The following TINAG variants were observed in gnomAD, a reference collection of about 807,000 sequenced individuals.
The protein encoded by TINAG is tubulointerstitial nephritis antigen.
A neutral mutation model predicts 72.7 loss-of-function variants in TINAG; 83 were observed. That is an observed-to-expected ratio of 1.14 (90% CI 0.96 to 1.37). TINAG has a LOEUF of 1.37. Ranked by LOEUF, TINAG falls within the 40% of genes most tolerant of loss-of-function variation. The pLI, the probability that TINAG is intolerant of heterozygous loss-of-function variation, is 0.00. For synonymous variants in TINAG, 234 were observed against 189.9 expected (o/e 1.23, Z -1.91); for missense variants, 685 against 576.6 (o/e 1.19, Z -1.93).
chr6:54,346,108 A>C (rs1420058265), intron 5 of TINAG, among the ~76,000 whole-genome samples: 1 of 152,058 alleles, frequency 6.6e-6, no homozygotes, highest in African/African-American at 2.4e-5. Flanking sequence ...CTGTACTAAA[A>C]TGGTACCCAC....
intron 9 of TINAG, among the ~76,000 whole-genome samples, chr6:54,370,577 A>T (rs1177156744): frequency 6.6e-6 from 1 of 151,982 alleles, no homozygotes; most frequent in African/African-American, 2.4e-5. Context: ...AGATATGGAG[A>T]TGAATAACAT....
intron 4 of TINAG, among the ~76,000 whole-genome samples, chr6:54,340,266 G>T (rs141673133): frequency 6.6e-6 from 1 of 151,848 alleles, no homozygotes; most frequent in African/African-American, 2.4e-5. Context: ...ACAATGAAAA[G>T]AATTAAGCAT....
intron 4 of TINAG, 174 bp downstream of exon 4, chr6:54,327,090 CAT>C: frequency 6.5e-7 from 1 of 1,547,474 alleles, no homozygotes; most frequent in Admixed American, 2.0e-5. Flanking sequence ...TCAAAAGTTT[CAT>C]ATGAGATTTG....
chr6:54,348,415 T>G (rs1353094940), intron 6 of TINAG, among the ~76,000 whole-genome samples: 1 of 152,084 alleles, frequency 6.6e-6, no homozygotes, highest in Non-Finnish European at 1.5e-5. Context: ...TATTGAGACC[T>G]GACTAAATCT....
At chr6:54,337,504 T>A (rs1184872404) in intron 4 of TINAG, among the ~76,000 whole-genome samples, 1 of 152,132 alleles carries the variant, frequency 6.6e-6, no homozygotes, top group Non-Finnish European at 1.5e-5. Context: ...TCCGCCCGCT[T>A]CGGCCTCCCA....
At chr6:54,345,766 T>C (rs1582725089) in intron 5 of TINAG, among the ~76,000 whole-genome samples, 1 of 152,088 alleles carries the variant, frequency 6.6e-6, no homozygotes, top group South Asian at 2.1e-4. Context: ...ATTTAACACA[T>C]ATTGAGCATC....
chr6:54,347,632 C>T, intron 6 of TINAG, 115 bp downstream of exon 6: 2 of 1,002,474 alleles, frequency 2.0e-6, no homozygotes, highest in Non-Finnish European at 2.8e-6. Context: ...ATATATACTA[C>T]ATCTACATGA....
intron 9 of TINAG, among the ~76,000 whole-genome samples, chr6:54,376,534 A>C (rs1156411504): frequency 2.6e-5 from 4 of 152,154 alleles, no homozygotes; most frequent in African/African-American, 9.7e-5. Flanking sequence ...TACCAAAACC[A>C]AAGAAAAGAA....
intron 1 of TINAG, among the ~76,000 whole-genome samples, chr6:54,312,623 A>T (rs544027201): frequency 1.1e-4 from 16 of 152,312 alleles, no homozygotes; most frequent in African/African-American, 3.6e-4. Context: ...AGAATAAAGT[A>T]AAACTCTTAT....
chr6:54,334,166 T>C (rs1337097539), intron 4 of TINAG, among the ~76,000 whole-genome samples: 2 of 152,182 alleles, frequency 1.3e-5, no homozygotes, highest in Non-Finnish European at 2.9e-5. Context: ...ACATAGACTT[T>C]CCAGTTGAGA....
At chr6:54,339,890 G>A (rs1057084128) in intron 4 of TINAG, among the ~76,000 whole-genome samples, 2 of 151,984 alleles carry the variant, frequency 1.3e-5, no homozygotes, top group Non-Finnish European at 2.9e-5. Flanking sequence ...AATGGGTGGG[G>A]GGAAATACAA....
At chr6:54,346,491 A>G (rs1244876007) in intron 5 of TINAG, among the ~76,000 whole-genome samples, 1 of 151,580 alleles carries the variant, frequency 6.6e-6, no homozygotes, top group Non-Finnish European at 1.5e-5. Flanking sequence ...TGTATATAGC[A>G]TCACATATAA....
chr6:54,345,402 C>T (rs1030460871), intron 5 of TINAG, among the ~76,000 whole-genome samples: 4 of 152,048 alleles, frequency 2.6e-5, no homozygotes, highest in Non-Finnish European at 5.9e-5. Context: ...CTTATTCAAG[C>T]CTCCAGTATT....
chr6:54,371,993 T>TTGTTTTTTTTTTTGTTTTTTA (rs1763629157), intron 9 of TINAG, among the ~76,000 whole-genome samples: 2 of 140,640 alleles, frequency 1.4e-5, no homozygotes, highest in African/African-American at 5.2e-5. Context: ...TTTTTTTTTT[T>TTGTTTTTTTTTTTGTTTTTTA]TTTTTTTTTT....
intron 1 of TINAG, among the ~76,000 whole-genome samples, chr6:54,316,768 T>C (rs572710074): frequency 1.1e-3 from 169 of 152,344 alleles, no homozygotes; most frequent in African/African-American, 3.5e-3. Context: ...ATCATCTTTT[T>C]GCAGTTCAAG....
intron 7 of TINAG, 55 bp from the exon 8 acceptor site, chr6:54,351,297 G>T (rs1009294427): frequency 5.4e-6 from 8 of 1,477,388 alleles, no homozygotes; most frequent in Non-Finnish European, 7.5e-6. Context: ...ACCAATCAAT[G>T]GGTTTAGTAT....
At chr6:54,383,006 T>C (rs1169552270) in intron 10 of TINAG, among the ~76,000 whole-genome samples, 2 of 152,102 alleles carry the variant, frequency 1.3e-5, no homozygotes, top group African/African-American at 4.8e-5. Flanking sequence ...TCTTTTGAGA[T>C]GTAAATACCA....
At chr6:54,389,305 C>A (rs952616505) in intron 10 of TINAG, among the ~76,000 whole-genome samples, 4 of 152,142 alleles carry the variant, frequency 2.6e-5, no homozygotes, top group Admixed American at 6.6e-5. Flanking sequence ...CTTCGCTGAA[C>A]CATCCAAGTA....
intron 1 of TINAG, among the ~76,000 whole-genome samples, chr6:54,311,133 A>C (rs962724982): frequency 9.2e-5 from 14 of 152,026 alleles, no homozygotes; most frequent in African/African-American, 3.4e-4. Context: ...TTATTAATTT[A>C]TATAGACCAT....
Sources: gnomAD v4.1 joint callset for allele counts (sites outside exome capture counted in the v4.1 genomes callset) on GRCh38, gnomAD v4.1.1 for gene constraint, MANE v1.5 for transcripts, NCBI Gene and HGNC (gene_info 2026-07-23, HGNC 2026-07-21) for gene names.